The following ABCG5 variants were observed in gnomAD, a reference collection of about 807,000 sequenced individuals.
ABCG5 encodes ATP binding cassette subfamily G member 5, also known as ATP-binding cassette sub-family G member 5.
A neutral mutation model predicts 64.5 loss-of-function variants in ABCG5; 64 were observed. That is an observed-to-expected ratio of 0.99 (90% CI 0.81 to 1.22). The LOEUF is 1.22. ABCG5 is among the 50% of genes most tolerant of loss of function. The pLI is 0.00. For missense variants in ABCG5, 908 were observed against 829.5 expected (o/e 1.09, Z -1.16); for synonymous variants, 385 against 326.3 (o/e 1.18, Z -1.94).
Position 43,826,448 on chromosome 2 carries a change from C to T in ABCG5, c.708G>A (p.Val236=), listed in dbSNP as rs945131664. The T allele has an allele frequency of 4.3e-6, 7 of 1,614,178 alleles. No homozygotes were observed. Among genetic ancestry groups the T allele is most frequent in the Non-Finnish European group, 5.9e-6 (7 of 1,180,044 alleles). Residue 236 remains valine, a synonymous_variant, in exon 6 of 13, where the codon GTG becomes GTA. Transcript: ENST00000405322. ...MTANQIVVLL[V]ELARRNRIVV... ...CAATTCGGTTCCTGCGAGCCAGTTC[C>T]ACCAGGAGGACGACAATCTGATTAG...
intron 3 of ABCG5, 29 bp downstream of exon 3, chr2:43,831,918 G>C: frequency 6.5e-7 from 1 of 1,547,934 alleles, no homozygotes; most frequent in Non-Finnish European, 8.7e-7. Context: ...GGCGGGCGGG[G>C]GGGCCAGGGG....
Position 43,831,790 on chromosome 2 carries a change from A to ATTGC in ABCG5, c.476_479dup (p.Asn160LysfsTer39). ...CCACCTTCTTCTGGAAGGAGCCGGGATTGCCGCGGCGGATGGCCAGCAGCG... is the reference window on the plus strand; with the variant it reads ...CCACCTTCTTCTGGAAGGAGCCGGGATTGCTTGCCGCGGCGGATGGCCAGCAGCG... On this transcript the variant is annotated frameshift_variant, in exon 4 of 13. Transcript: ENST00000405322. LOFTEE classifies it high-confidence loss of function. 1 of 1,586,670 alleles carries ATTGC rather than the reference A, an allele frequency of 6.3e-7. No homozygotes were observed. Among genetic ancestry groups the ATTGC allele is most frequent in the South Asian group, 1.2e-5 (1 of 86,266 alleles).
Position 43,819,892 on chromosome 2 carries a change from T to G in ABCG5, c.1649+23A>C, listed in dbSNP as rs186278590. ...TAATAACAGATTATCCCAATCTAAATTTTTTGAATTATGATATCTTACCTG... is the reference window on the plus strand; with the variant it reads ...TAATAACAGATTATCCCAATCTAAAGTTTTTGAATTATGATATCTTACCTG... On this transcript the variant is annotated intron_variant, in intron 11 of 12. Coordinates refer to ENST00000405322, the MANE Select transcript of ABCG5 (RefSeq NM_022436.3). The G allele has an allele frequency of 3.1e-6, 5 of 1,613,232 alleles. No individual in the cohort carries two copies. The Admixed American group carries it at 6.7e-5, about 22-fold the overall frequency.
chr2:43,824,728 T>C, intron 7 of ABCG5, 161 bp downstream of exon 7: 1 of 927,178 alleles, frequency 1.1e-6, no homozygotes, highest in Non-Finnish European at 1.3e-6. Context: ...TAGTCATCTC[T>C]GGCAAGTTCA....
intron 6 of ABCG5, among the ~76,000 whole-genome samples, chr2:43,825,701 G>A (rs1033700850): frequency 1.3e-5 from 2 of 150,828 alleles, no homozygotes; most frequent in East Asian, 4.0e-4. Context: ...CAACCTCCTG[G>A]GTTCAAGCGA....
intron 2 of ABCG5, among the ~76,000 whole-genome samples, chr2:43,836,966 A>T (rs1480126018): frequency 6.8e-6 from 1 of 146,370 alleles, no homozygotes; most frequent in Non-Finnish European, 1.5e-5. Context: ...GAGGTTAAGG[A>T]TGCAGTGAGC....
intron 4 of ABCG5, chr2:43,828,516 G>T: frequency 2.7e-6 from 1 of 377,292 alleles, no homozygotes; most frequent in Non-Finnish European, 5.0e-6. Context: ...CAATAAATTA[G>T]CCGGGTATGC....
intron 11 of ABCG5, 33 bp downstream of exon 11, chr2:43,819,882 C>T (rs1450530287): frequency 6.2e-7 from 1 of 1,607,644 alleles, no homozygotes; most frequent in Middle Eastern, 1.7e-4. Flanking sequence ...ACAGATTATC[C>T]CAATCTAAAT....
At chr2:43,836,207 C>T (rs140488605) in intron 2 of ABCG5, among the ~76,000 whole-genome samples, 4,979 of 152,116 alleles carry the variant, frequency 0.033, 115 homozygotes, top group Middle Eastern at 0.095. Flanking sequence ...TCCCAAAGTG[C>T]TGGGATTACA....
At chr2:43,832,164 C>A in intron 2 of ABCG5, 81 bp from the exon 3 acceptor site, 2 of 1,542,104 alleles carry the variant, frequency 1.3e-6, no homozygotes, top group Non-Finnish European at 1.8e-6. Flanking sequence ...TCTGTGCAGG[C>A]ATGACCCCGC....
intron 5 of ABCG5, among the ~76,000 whole-genome samples, chr2:43,826,733 G>C (rs1157771766): frequency 6.6e-6 from 1 of 152,234 alleles, no homozygotes; most frequent in Non-Finnish European, 1.5e-5. Flanking sequence ...GCACATGTGG[G>C]CTCAAATCCT....
At chr2:43,829,671 C>T (rs1290706861) in intron 4 of ABCG5, among the ~76,000 whole-genome samples, 1 of 152,022 alleles carries the variant, frequency 6.6e-6, no homozygotes, top group Non-Finnish European at 1.5e-5. Context: ...ACTGCAGAAA[C>T]CCCAGGGGGA....
downstream of ABCG5, among the ~76,000 whole-genome samples, chr2:43,811,347 G>A (rs1478916854): frequency 6.6e-6 from 1 of 152,110 alleles, no homozygotes; most frequent in Non-Finnish European, 1.5e-5. Context: ...CTTAAATACT[G>A]TTCTAAGAAA....
At chr2:43,816,442 GAA>G (rs34967943) in intron 11 of ABCG5, among the ~76,000 whole-genome samples, 3 of 150,654 alleles carry the variant, frequency 2.0e-5, no homozygotes, top group Non-Finnish European at 3.0e-5. Context: ...CGGAGAGAGA[GAA>G]ATGGATCAGT....
chr2:43,811,647 T>A (rs951469376), downstream of ABCG5, among the ~76,000 whole-genome samples: 3 of 151,332 alleles, frequency 2.0e-5, no homozygotes, highest in Non-Finnish European at 4.4e-5. Context: ...CAGGCTGGAG[T>A]GCAGTGGTGC....
rs543568718 is a variant in ABCG5 at position 43,832,489 on chromosome 2, C to G, written c.266-406G>C. Reference sequence around the variant, plus strand: ...CTAGGACGGATTTCTTTTTGTGCCCCCCTGGGGTGGTCTGGTTGTACCTGG... The same window carrying G: ...CTAGGACGGATTTCTTTTTGTGCCCGCCTGGGGTGGTCTGGTTGTACCTGG... On this transcript the variant is annotated intron_variant, in intron 2 of 12. Transcript: ENST00000405322. 9.1e-4 allele frequency: 249 copies of G among 274,590 alleles called. 1 individual carries two copies. Among genetic ancestry groups the G allele is most frequent in the South Asian group, 4.7e-3 (104 of 22,076 alleles). 17.0% of individuals were successfully genotyped at this position (274,590 alleles called of 1,614,324 possible).
At chr2:43,810,528 A>AGTATAATT (rs2104732138), downstream of ABCG5, 1 of 984,472 alleles carries the variant, frequency 1.0e-6, no homozygotes, top group African/African-American at 1.7e-5. Flanking sequence ...ATTTTGAGTA[A>AGTATAATT]GTATAATTGC....
chr2:43,833,090 G>A (rs150144845), intron 2 of ABCG5, among the ~76,000 whole-genome samples: 4,588 of 152,234 alleles, frequency 0.03, 100 homozygotes, highest in Middle Eastern at 0.092. Flanking sequence ...GATTACAGGC[G>A]TGAGCCACTG....
At chr2:43,837,711 G>T (rs1169170654) in intron 2 of ABCG5, 123 bp downstream of exon 2, 11 of 1,301,610 alleles carry the variant, frequency 8.5e-6, no homozygotes, top group Non-Finnish European at 1.2e-5. Context: ...TTCACAGTCA[G>T]ATATCAATAG....
Sources: gnomAD v4.1 joint callset for allele counts (sites outside exome capture counted in the v4.1 genomes callset) on GRCh38, gnomAD v4.1.1 for gene constraint, MANE v1.5 for transcripts, NCBI Gene and HGNC (gene_info 2026-07-23, HGNC 2026-07-21) for gene names.